The following FARS2 variants were observed in gnomAD, a reference collection of about 807,000 sequenced individuals.
FARS2 encodes phenylalanine--tRNA ligase, mitochondrial.
Under a neutral mutation model 46.4 loss-of-function variants are expected in FARS2, and 40 were observed. The observed-to-expected ratio is 0.86, with a 90% CI of 0.67 to 1.12. FARS2 has a LOEUF of 1.12. Among genes scored for constraint, FARS2 ranks in the 50% most tolerant of loss-of-function variants. The pLI, the probability that FARS2 is intolerant of heterozygous loss-of-function variation, is 0.00. For missense variants in FARS2, 513 were observed against 567.9 expected, an observed-to-expected ratio of 0.90 and a Z score of 0.98; for synonymous variants, 234 against 214.9, an observed-to-expected ratio of 1.09 and a Z score of -0.78.
intron 3 of FARS2, among the ~76,000 whole-genome samples, chr6:5,410,650 C>T (rs1340372236): frequency 4.6e-5 from 7 of 152,032 alleles, no homozygotes; most frequent in South Asian, 2.1e-4. Context: ...ATAATGGTGA[C>T]GATAGAGATA....
chr6:5,269,646 C>T (rs911257675), intron 1 of FARS2, among the ~76,000 whole-genome samples: 2 of 152,108 alleles, frequency 1.3e-5, no homozygotes, highest in African/African-American at 4.8e-5. Flanking sequence ...TTACAGAAAA[C>T]ATTTAGAATT....
At chr6:5,589,469 A>G (rs1216848903) in intron 5 of FARS2, among the ~76,000 whole-genome samples, 1 of 152,252 alleles carries the variant, frequency 6.6e-6, no homozygotes, top group Non-Finnish European at 1.5e-5. Context: ...TCTCTTGAAC[A>G]ATGTAAGAAT....
chr6:5,553,748 C>T (rs918259259), intron 5 of FARS2, among the ~76,000 whole-genome samples: 3 of 152,076 alleles, frequency 2.0e-5, no homozygotes, highest in African/African-American at 7.2e-5. Context: ...CCTGATGGAG[C>T]TTGTTAAAAT....
At chr6:5,328,707 GA>G (rs1770575224) in intron 1 of FARS2, among the ~76,000 whole-genome samples, 1 of 151,986 alleles carries the variant, frequency 6.6e-6, no homozygotes, top group Non-Finnish European at 1.5e-5. Context: ...TGACTTTTAA[GA>G]TTTCAAGGCA....
At chr6:5,378,333 G>A (rs953298335) in intron 2 of FARS2, among the ~76,000 whole-genome samples, 1 of 152,120 alleles carries the variant, frequency 6.6e-6, no homozygotes, top group Non-Finnish European at 1.5e-5. Context: ...ATTCCTTCCC[G>A]CTGGAGTGAG....
At position 5,727,494 on chromosome 6, in the gene FARS2, G is replaced by A. The variant is rs184717875; in HGVS notation, c.1218-43797G>A. ...ATAAAATGCCACGCTAGCGGGTTTC[G>A]GGTAACTGAAGAAAGTGCATTCCGC... On this transcript the variant is annotated intron_variant, in intron 6 of 6. Coordinates refer to ENST00000274680, the MANE Select transcript of FARS2 (RefSeq NM_006567.5). The surrounding 1 kb of genome is among the most constrained non-coding windows in gnomAD (Gnocchi z 4.1). 5.0e-4 allele frequency among the ~76,000 whole-genome samples: 76 copies of A among 152,288 alleles called. No individual in the cohort carries two copies. Among genetic ancestry groups the A allele is most frequent in the African/African-American group, 1.7e-3 (69 of 41,554 alleles).
At chr6:5,258,022 G>A (rs562838467), upstream of FARS2, among the ~76,000 whole-genome samples, 1 of 152,278 alleles carries the variant, frequency 6.6e-6, no homozygotes, top group Admixed American at 6.5e-5. Context: ...GCTCAATCTT[G>A]AAGGAAGAGG....
intron 5 of FARS2, among the ~76,000 whole-genome samples, chr6:5,563,083 GA>G (rs879664602): frequency 3.2e-4 from 45 of 138,548 alleles, no homozygotes; most frequent in East Asian, 1.9e-3. Context: ...TACAGAGACA[GA>G]GGGAGGGGGG....
At chr6:5,678,231 C>T (rs775365039) in intron 6 of FARS2, among the ~76,000 whole-genome samples, 3 of 152,226 alleles carry the variant, frequency 2.0e-5, no homozygotes, top group Non-Finnish European at 2.9e-5. Flanking sequence ...CCTTACCACA[C>T]CTCACCCAAG....
At chr6:5,537,820 T>A (rs544156573) in intron 4 of FARS2, among the ~76,000 whole-genome samples, 59 of 152,346 alleles carry the variant, frequency 3.9e-4, no homozygotes, top group Non-Finnish European at 6.2e-4. Context: ...TTCACACTGA[T>A]AACTTCTCAC....
intron 4 of FARS2, among the ~76,000 whole-genome samples, chr6:5,510,626 C>G (rs1472457177): frequency 6.6e-6 from 1 of 152,162 alleles, no homozygotes; most frequent in Non-Finnish European, 1.5e-5. Flanking sequence ...CTTTGCAGCC[C>G]CTGGACCTGC....
chr6:5,504,407 T>G (rs1385191639), intron 4 of FARS2, among the ~76,000 whole-genome samples: 1 of 103,660 alleles, frequency 9.6e-6, no homozygotes, highest in Non-Finnish European at 2.0e-5. Flanking sequence ...CCTTTAAAAA[T>G]ATTGGGAATG....
rs371390356 is a variant in FARS2, at chr6:5,404,683, G to A, written c.754G>A (p.Ala252Thr). 163 of 1,597,432 alleles carry A rather than the reference G, an allele frequency of 1.0e-4. No homozygotes were observed. The highest frequency in any genetic ancestry group is 1.3e-4 in the Non-Finnish European group (153 of 1,171,362). The stretch of plus-strand genomic sequence containing the variant: ...TAAGCAAACGCTTACCAGGCTCATG[G>A]CACATCTTTTTGGAGATGGTAAGTG... ...DLKQTLTRLM[A>T]HLFGDELEIR... is the part of the protein sequence containing the mutation. Residue 252 changes from alanine (A) to threonine (T), a missense_variant, in exon 3 of 7, where the codon GCA (alanine) becomes ACA (threonine). Ala to Thr is a moderately conservative substitution (Grantham distance 58, BLOSUM62 0). Transcript: ENST00000274680.
chr6:5,695,802 A>G (rs1395443512), intron 6 of FARS2, among the ~76,000 whole-genome samples: 1 of 152,218 alleles, frequency 6.6e-6, no homozygotes, highest in African/African-American at 2.4e-5. Context: ...CTTCTGCTCA[A>G]CAAACCGCAC....
chr6:5,435,396 C>G (rs926554898), intron 4 of FARS2, among the ~76,000 whole-genome samples: 4 of 152,212 alleles, frequency 2.6e-5, no homozygotes, highest in African/African-American at 9.6e-5. Context: ...TCAGTGAAGA[C>G]ATTTTATTAC....
chr6:5,278,046 A>G (rs868513751), intron 1 of FARS2, among the ~76,000 whole-genome samples: 1 of 152,174 alleles, frequency 6.6e-6, no homozygotes, highest in South Asian at 2.1e-4. Context: ...TCATTAATCT[A>G]AATTATCATC....
chr6:5,674,657 C>T (rs1417236582), intron 6 of FARS2, among the ~76,000 whole-genome samples: 1 of 152,058 alleles, frequency 6.6e-6, no homozygotes, highest in Admixed American at 6.5e-5. Flanking sequence ...TTTCTCTTTG[C>T]CTAGGCTCTC....
intron 5 of FARS2, among the ~76,000 whole-genome samples, chr6:5,545,637 G>T (rs1582411230): frequency 6.6e-6 from 1 of 152,162 alleles, no homozygotes; most frequent in East Asian, 1.9e-4. Context: ...AGGCCCCGGT[G>T]TGTGATGTTC....
intron 6 of FARS2, among the ~76,000 whole-genome samples, chr6:5,738,112 A>C (rs1017053477): frequency 1.3e-5 from 2 of 152,122 alleles, no homozygotes; most frequent in African/African-American, 4.8e-5. Flanking sequence ...CACCACGCCC[A>C]GCTAATTTTT....
Sources: allele counts gnomAD v4.1 joint callset (sites outside exome capture counted in the v4.1 genomes callset), GRCh38; gene constraint gnomAD v4.1.1; non-coding constraint Gnocchi (gnomAD v3.1); transcripts MANE v1.5; gene names NCBI Gene and HGNC (gene_info 2026-07-23, HGNC 2026-07-21).